PROSER2: variants seen among roughly 807,000 people sequenced by gnomAD.
The protein encoded by PROSER2 is proline and serine rich 2, also known as proline and serine-rich protein 2.
PROSER2 carries 18 observed loss-of-function variants against 14.6 expected under a neutral mutation model. The ratio of observed to expected loss-of-function variants is 1.23; its 90% confidence interval spans 0.85 to 1.83. The LOEUF (loss-of-function observed/expected upper bound fraction) is 1.83. Among genes scored for constraint, PROSER2 ranks in the 40% most tolerant of loss-of-function variants. PROSER2 has a pLI of 0.00. For synonymous variants in PROSER2, 367 were observed against 286.4 expected (o/e 1.28, Z -2.84); for missense variants, 823 against 629.8 (o/e 1.31, Z -3.28).
chr10:11,823,539 G>A lies in PROSER2; in HGVS notation c.-82+69G>A. ...AGGGCGTCCTGGCGGCGGTGGCGGCGCTGGGCTCTGGCTGGGACGCCGGCG... is the reference window on the plus strand; with the variant it reads ...AGGGCGTCCTGGCGGCGGTGGCGGCACTGGGCTCTGGCTGGGACGCCGGCG... On this transcript the variant is annotated intron_variant, in intron 1 of 3. Transcript: ENST00000277570. This position sits in a 1 kb window ranked among gnomAD's most constrained non-coding sequence, Gnocchi z 6.2. The A allele has an allele frequency of 6.5e-6, 1 of 154,396 alleles. No homozygotes were observed. Among genetic ancestry groups the A allele is most frequent in the Admixed American group, 6.5e-5 (1 of 15,316 alleles). 9.6% of individuals were successfully genotyped at this position (154,396 alleles called of 1,614,324 possible). A position where few individuals can be genotyped will look rare whatever the true frequency, so the allele number is the denominator to read the frequency against.
chr10:11,845,963 CTTCATTCA>C (rs1017152504), intron 1 of PROSER2, among the ~76,000 whole-genome samples: 2 of 152,182 alleles, frequency 1.3e-5, no homozygotes, highest in African/African-American at 4.8e-5. Context: ...TTAAACATTA[CTTCATTCA>C]TTCATTCATT....
Position 11,871,803 on chromosome 10 carries a change from ATTAC to A in PROSER2, c.*1401_*1404del, listed in dbSNP as rs1225444268. The A allele has an allele frequency of 5.3e-5, 8 of 152,344 alleles. No homozygotes were observed. Among genetic ancestry groups the A allele is most frequent in the African/African-American group, 1.9e-4 (8 of 41,578 alleles). The allele number at this position is 152,344 out of a possible 1,614,324, so 9.4% of individuals were successfully genotyped here. A position where few individuals can be genotyped will look rare whatever the true frequency, so the allele number is the denominator to read the frequency against. On this transcript the variant is annotated 3_prime_UTR_variant, in exon 4 of 4. Transcript: ENST00000277570. The stretch of plus-strand genomic sequence containing the variant: ...AGAGCCTGTTTCTTTCCCGTTGAGT[ATTAC>A]TTAAATTCAGGCTTAAATGTGCTAT...
In PROSER2 at chr10:11,833,863, A is replaced by G. The variant is rs374717089; in HGVS notation, c.-82+10393A>G. On this transcript the variant is annotated intron_variant, in intron 1 of 3. Coordinates refer to ENST00000277570, the MANE Select transcript of PROSER2 (RefSeq NM_153256.4). ...GACATGAGAGTCCGGCGGGGAGGCCAGTGATGAAGGAGTCACGAAGGCTTG... is the reference window on the plus strand; with the variant it reads ...GACATGAGAGTCCGGCGGGGAGGCCGGTGATGAAGGAGTCACGAAGGCTTG... 7.9e-5 allele frequency among the ~76,000 whole-genome samples: 12 copies of G among 152,176 alleles called. No individual in the cohort carries two copies. The East Asian group carries it at 1.9e-3, about 24-fold the overall frequency.
At chr10:11,844,032 C>G (rs189979747) in intron 1 of PROSER2, among the ~76,000 whole-genome samples, 24 of 152,148 alleles carry the variant, frequency 1.6e-4, no homozygotes, top group Non-Finnish European at 2.5e-4. Context: ...TGCCCTGCCC[C>G]CTAGGCTGGA....
chr10:11,859,876 C>G (rs1490174300), intron 2 of PROSER2, among the ~76,000 whole-genome samples: 3 of 152,204 alleles, frequency 2.0e-5, no homozygotes, highest in East Asian at 3.9e-4. Flanking sequence ...CAGTCACTGC[C>G]CATCCCTGCC....
chr10:11,860,893 G>A (rs1428868134), intron 2 of PROSER2, among the ~76,000 whole-genome samples: 2 of 152,012 alleles, frequency 1.3e-5, no homozygotes, highest in Non-Finnish European at 2.9e-5. Flanking sequence ...ATCACTTGAG[G>A]TCAGGAATTC....
At position 11,870,169 on chromosome 10, in the gene PROSER2, C is replaced by G; in HGVS notation, c.1071C>G (p.Ser357Arg). ...SAHEALKSAPSSFAPAGKSLC... is the reference protein window; with the variant it reads ...SAHEALKSAPRSFAPAGKSLC... ...ACGAGGCCCTGAAGAGCGCACCCAG[C>G]TCCTTCGCGCCCGCTGGGAAGTCCC... The change falls in exon 4 of 4, where the codon AGC (serine) becomes AGG (arginine). Residue 357 changes from serine (S) to arginine (R), a missense_variant. Transcript: ENST00000277570. 2 of 1,477,102 alleles carry G rather than the reference C, an allele frequency of 1.4e-6. No homozygotes were observed. Among genetic ancestry groups the G allele is most frequent in the South Asian group, 2.6e-5 (2 of 78,334 alleles). The allele number at this position is 1,477,102 out of a possible 1,614,324, so 91.5% of individuals were successfully genotyped here. A position where few individuals can be genotyped will look rare whatever the true frequency, so the allele number is the denominator to read the frequency against.
intron 2 of PROSER2, among the ~76,000 whole-genome samples, chr10:11,855,851 T>G (rs1053971207): frequency 1.3e-5 from 2 of 152,228 alleles, no homozygotes; most frequent in African/African-American, 2.4e-5. Flanking sequence ...AGGCTATCCG[T>G]ATGGCCACAA....
intron 1 of PROSER2, among the ~76,000 whole-genome samples, chr10:11,835,944 C>T (rs977646161): frequency 5.9e-5 from 9 of 152,176 alleles, no homozygotes; most frequent in African/African-American, 2.2e-4. Flanking sequence ...CGCTCTCATT[C>T]ATGGTGCTCT....
At chr10:11,867,676 C>T (rs1441555341) in intron 3 of PROSER2, among the ~76,000 whole-genome samples, 2 of 152,256 alleles carry the variant, frequency 1.3e-5, no homozygotes, top group East Asian at 3.9e-4. Context: ...AGGTGGAGCT[C>T]GGTAATGCGA....
chr10:11,851,845 C>T, intron 1 of PROSER2, 152 bp from the exon 2 acceptor site: 1 of 372,754 alleles, frequency 2.7e-6, no homozygotes. Flanking sequence ...CAGTCAGCAT[C>T]CTCAAACTGG....
chr10:11,833,139 C>T lies in PROSER2; in HGVS notation c.-82+9669C>T, dbSNP rs937001717. On this transcript the variant is annotated intron_variant, in intron 1 of 3. Coordinates refer to ENST00000277570, the MANE Select transcript of PROSER2 (RefSeq NM_153256.4). The stretch of plus-strand genomic sequence containing the variant: ...GATTACAGGCATGAGCCATTGTACC[C>T]GGCTGGTTTTAGAGTTTTTAAATAT... Among the ~76,000 whole-genome samples the T allele has an allele frequency of 1.5e-4, 22 of 151,300 alleles. 1 individual carries two copies. Among genetic ancestry groups the T allele is most frequent in the Admixed American group, 5.9e-4 (9 of 15,200 alleles).
Position 11,837,435 on chromosome 10 carries a change from G to A in PROSER2, c.-82+13965G>A, listed in dbSNP as rs568010136. Among the ~76,000 whole-genome samples, 26 of 152,340 alleles carry A rather than the reference G, an allele frequency of 1.7e-4. 1 individual carries two copies. Among genetic ancestry groups the A allele is most frequent in the African/African-American group, 5.8e-4 (24 of 41,588 alleles). ...TGGCAGACGGGTTGGGATTGGTGCT[G>A]TCTGCAGATCCAAGCATCCACTGAG... On this transcript the variant is annotated intron_variant, in intron 1 of 3. Coordinates refer to ENST00000277570, the MANE Select transcript of PROSER2 (RefSeq NM_153256.4). The surrounding 1 kb of genome is among the most constrained non-coding windows in gnomAD (Gnocchi z 4.6).
chr10:11,840,522 A>G (rs183947114), intron 1 of PROSER2, among the ~76,000 whole-genome samples: 1 of 152,270 alleles, frequency 6.6e-6, no homozygotes, highest in Non-Finnish European at 1.5e-5. Context: ...CAGTTTACTA[A>G]TAATTTTATT....
At chr10:11,834,030 T>C (rs1455764328) in intron 1 of PROSER2, among the ~76,000 whole-genome samples, 2 of 141,148 alleles carry the variant, frequency 1.4e-5, no homozygotes, top group Admixed American at 1.5e-4. Flanking sequence ...AGTCTCGCTC[T>C]GTCGCCTAGG....
At chr10:11,826,556 TTTTA>T (rs1833616373) in intron 1 of PROSER2, among the ~76,000 whole-genome samples, 2 of 152,148 alleles carry the variant, frequency 1.3e-5, no homozygotes, top group African/African-American at 4.8e-5. Flanking sequence ...TCCCCCGCCT[TTTTA>T]TTTATGTATT....
intron 1 of PROSER2, among the ~76,000 whole-genome samples, chr10:11,834,026 G>A (rs1039431861): frequency 2.7e-5 from 3 of 112,516 alleles, no homozygotes; most frequent in South Asian, 3.1e-4. Context: ...ATAGAGTCTC[G>A]CTCTGTCGCC....
chr10:11,867,657 C>T (rs1467498861), intron 3 of PROSER2, among the ~76,000 whole-genome samples: 2 of 152,180 alleles, frequency 1.3e-5, no homozygotes, highest in Non-Finnish European at 2.9e-5. Flanking sequence ...CCACTGCTGA[C>T]GTGGCAGGAG....
intron 2 of PROSER2, among the ~76,000 whole-genome samples, chr10:11,855,716 G>C (rs1227254105): frequency 6.6e-6 from 1 of 152,180 alleles, no homozygotes; most frequent in Admixed American, 6.5e-5. Context: ...TTCAGCCTAG[G>C]AGTTAAAGGC....
Sources: allele counts gnomAD v4.1 joint callset (sites outside exome capture counted in the v4.1 genomes callset), GRCh38; gene constraint gnomAD v4.1.1; non-coding constraint Gnocchi (gnomAD v3.1); transcripts MANE v1.5; gene names NCBI Gene and HGNC (gene_info 2026-07-23, HGNC 2026-07-21).